PSMA8: variants seen among roughly 807,000 people sequenced by gnomAD.
PSMA8 encodes the protein proteasome 20S subunit alpha 8.
Under a neutral mutation model 32.4 loss-of-function variants are expected in PSMA8, and 18 were observed. That is an observed-to-expected ratio of 0.56 (90% CI 0.38 to 0.82). The LOEUF is 0.82. Among genes scored for constraint, PSMA8 ranks in the 40% least tolerant of loss-of-function variants. The pLI is 0.00. For synonymous variants in PSMA8, 104 were observed against 98.1 expected (o/e 1.06, Z -0.36); for missense variants, 298 against 300.7 (o/e 0.99, Z 0.07).
intron 4 of PSMA8, among the ~76,000 whole-genome samples, chr18:26,160,999 G>T (rs1287924148): frequency 6.6e-6 from 1 of 152,180 alleles, no homozygotes; most frequent in East Asian, 1.9e-4. Context: ...TGGTCCTATT[G>T]TATAATGGTA....
intron 3 of PSMA8, among the ~76,000 whole-genome samples, chr18:26,155,035 G>A (rs1026175425): frequency 2.0e-5 from 3 of 152,122 alleles, no homozygotes; most frequent in Non-Finnish European, 1.5e-5. Context: ...AGGAGTTCAA[G>A]ACCAGCGTGG....
At chr18:26,148,808 G>T (rs1047433774) in intron 2 of PSMA8, among the ~76,000 whole-genome samples, 2 of 152,094 alleles carry the variant, frequency 1.3e-5, no homozygotes, top group African/African-American at 2.4e-5. Flanking sequence ...ATTGAGCAAA[G>T]TTGTAGGACA....
chr18:26,192,579 C>T lies in PSMA8; in HGVS notation c.*168C>T. 1.5e-6 allele frequency: 1 copy of T among 680,388 alleles called. No individual in the cohort carries two copies. The highest frequency in any genetic ancestry group is 2.1e-6 in the Non-Finnish European group (1 of 478,176). 42.1% of individuals were successfully genotyped at this position (680,388 alleles called of 1,614,324 possible). ...GGCTGTCTTCATTCTATTACATAGT[C>T]AAACATAGGTTTATGTGAAGATTTT... On this transcript the variant is annotated 3_prime_UTR_variant, in exon 7 of 7. Coordinates refer to ENST00000415576, the MANE Select transcript of PSMA8 (RefSeq NM_001025096.2).
In PSMA8 at chr18:26,144,563, G is replaced by A. The variant is rs267605136; in HGVS notation, c.107G>A (p.Gly36Glu). Reference protein sequence around the residue: ...EAVKKGSTAVGIRGTNIVVLG... With the variant: ...EAVKKGSTAVEIRGTNIVVLG... ...TGTATTTTAATGACTTGACAGGTCG[G>A]AATTCGAGGTACCAATATAGTTGTT... The change falls in exon 2 of 7, where the codon GGA becomes GAA. Residue 36 changes from glycine to glutamate, a missense_variant. Gly to Glu is a moderately conservative substitution (Grantham distance 98). Coordinates refer to ENST00000415576, the MANE Select transcript of PSMA8 (RefSeq NM_001025096.2). 1 of 1,612,444 alleles carries A rather than the reference G, an allele frequency of 6.2e-7. No homozygotes were observed. The highest frequency in any genetic ancestry group is 1.1e-5 in the South Asian group (1 of 90,938).
intron 1 of PSMA8, among the ~76,000 whole-genome samples, chr18:26,143,949 A>G (rs573772428): frequency 1.1e-4 from 16 of 152,090 alleles, no homozygotes; most frequent in African/African-American, 3.6e-4. Flanking sequence ...CTCGAACTCC[A>G]GACCTCAAGT....
At chr18:26,173,677 C>G (rs1299032244) in intron 4 of PSMA8, among the ~76,000 whole-genome samples, 1 of 152,094 alleles carries the variant, frequency 6.6e-6, no homozygotes, top group Non-Finnish European at 1.5e-5. Context: ...CTGCCTCAGC[C>G]TCCCAAGTAG....
intron 1 of PSMA8, chr18:26,140,247 C>T (rs1021200074): frequency 1.5e-6 from 1 of 658,290 alleles, no homozygotes; most frequent in East Asian, 2.7e-5. Flanking sequence ...GCTGGCTTGG[C>T]ACCACAGGTG....
At chr18:26,189,598 C>A (rs2055385409) in intron 6 of PSMA8, among the ~76,000 whole-genome samples, 1 of 152,106 alleles carries the variant, frequency 6.6e-6, no homozygotes, top group African/African-American at 2.4e-5. Flanking sequence ...AATAAAATAT[C>A]ATCTCACCCC....
At chr18:26,177,754 T>C (rs2055275145) in intron 4 of PSMA8, among the ~76,000 whole-genome samples, 1 of 152,218 alleles carries the variant, frequency 6.6e-6, no homozygotes, top group South Asian at 2.1e-4. Flanking sequence ...GTTACCACTA[T>C]ACTTATTCTA....
intron 3 of PSMA8, among the ~76,000 whole-genome samples, chr18:26,153,762 T>A (rs2055064470): frequency 6.6e-6 from 1 of 152,192 alleles, no homozygotes; most frequent in Non-Finnish European, 1.5e-5. Context: ...ACTTTGCCTT[T>A]AATTTTTTTT....
At chr18:26,165,307 C>T (rs184300907) in intron 4 of PSMA8, among the ~76,000 whole-genome samples, 8 of 152,278 alleles carry the variant, frequency 5.3e-5, no homozygotes, top group Admixed American at 3.3e-4. Flanking sequence ...TGTATGCGTG[C>T]GCACGCATGC....
At chr18:26,138,400 C>T (rs956933090) in intron 1 of PSMA8, among the ~76,000 whole-genome samples, 2 of 152,120 alleles carry the variant, frequency 1.3e-5, no homozygotes, top group Admixed American at 6.5e-5. Context: ...TCCTGGTGGC[C>T]ATGTTTTTAC....
intron 6 of PSMA8, among the ~76,000 whole-genome samples, chr18:26,185,476 A>AATG (rs1434025672): frequency 1.3e-5 from 2 of 150,634 alleles, no homozygotes; most frequent in Non-Finnish European, 3.0e-5. Flanking sequence ...AGGCAATCAG[A>AATG]ATGATTTATT....
At chr18:26,153,853 T>A (rs1359922794) in intron 3 of PSMA8, among the ~76,000 whole-genome samples, 2 of 152,176 alleles carry the variant, frequency 1.3e-5, no homozygotes, top group Non-Finnish European at 2.9e-5. Context: ...CATTTTAGGT[T>A]TTTAGAACAC....
At chr18:26,191,700 C>A (rs2055404325) in intron 6 of PSMA8, among the ~76,000 whole-genome samples, 2 of 151,976 alleles carry the variant, frequency 1.3e-5, no homozygotes, top group Admixed American at 6.6e-5. Context: ...ACTGATCCAC[C>A]CACCTCGGCC....
chr18:26,191,999 C>A (rs536195968), intron 6 of PSMA8, among the ~76,000 whole-genome samples: 7 of 152,122 alleles, frequency 4.6e-5, no homozygotes, highest in Non-Finnish European at 8.8e-5. Flanking sequence ...AATAATGAGT[C>A]TTTGTTCATG....
At chr18:26,140,317 C>G (rs1310638294) in intron 1 of PSMA8, among the ~76,000 whole-genome samples, 1 of 152,196 alleles carries the variant, frequency 6.6e-6, no homozygotes, top group African/African-American at 2.4e-5. Flanking sequence ...AGGAGCAGAC[C>G]TGGAGCTTGG....
chr18:26,135,724 AAGAAACCACAT>A (rs2054906185), intron 1 of PSMA8, among the ~76,000 whole-genome samples: 1 of 152,208 alleles, frequency 6.6e-6, no homozygotes, highest in Non-Finnish European at 1.5e-5. Flanking sequence ...AGGGTGTAAT[AAGAAACCACAT>A]TGGCTCATTT....
chr18:26,165,862 G>T (rs944267123), intron 4 of PSMA8, among the ~76,000 whole-genome samples: 2 of 152,068 alleles, frequency 1.3e-5, no homozygotes, highest in Non-Finnish European at 2.9e-5. Context: ...TTGGGAGGCC[G>T]AGGCAGGTGG....
Sources: allele counts gnomAD v4.1 joint callset (sites outside exome capture counted in the v4.1 genomes callset), GRCh38; gene constraint gnomAD v4.1.1; transcripts MANE v1.5; gene names NCBI Gene and HGNC (gene_info 2026-07-23, HGNC 2026-07-21).